LOC128092252: variants seen among roughly 807,000 people sequenced by gnomAD.
chr15:50,650,603 G>T, the LOC128092252 span, among the ~76,000 whole-genome samples: 2 of 152,046 alleles, frequency 1.3e-5, no homozygotes, highest in African/African-American at 2.4e-5. Context: ...GCTGAGGCAG[G>T]AGAATCGCTT....
At chr15:50,665,125 C>G in the LOC128092252 span, among the ~76,000 whole-genome samples, 1 of 152,112 alleles carries the variant, frequency 6.6e-6, no homozygotes, top group East Asian at 1.9e-4. Context: ...AATCATGGGT[C>G]AGGCCCAGTG....
chr15:50,680,065 C>A, the LOC128092252 span, among the ~76,000 whole-genome samples: 1 of 151,876 alleles, frequency 6.6e-6, no homozygotes, highest in Admixed American at 6.6e-5. Flanking sequence ...GAAACCCTGT[C>A]TCTGCTAAAA....
the LOC128092252 span, among the ~76,000 whole-genome samples, chr15:50,658,775 G>C: frequency 1.3e-5 from 2 of 152,148 alleles, no homozygotes; most frequent in African/African-American, 4.8e-5. Flanking sequence ...AATGAAAATT[G>C]TACAAGGTCG....
At chr15:50,676,123 T>C in the LOC128092252 span, among the ~76,000 whole-genome samples, 2 of 152,150 alleles carry the variant, frequency 1.3e-5, no homozygotes, top group Non-Finnish European at 1.5e-5. Flanking sequence ...AATTATAAAT[T>C]CTTACACCAG....
chr15:50,683,233 TA>T, the LOC128092252 span, among the ~76,000 whole-genome samples: 79,346 of 147,846 alleles, frequency 0.54, 21,164 homozygotes, highest in Admixed American at 0.61. Context: ...GGCAGTCACT[TA>T]AAAAAAAAAA....
the LOC128092252 span, among the ~76,000 whole-genome samples, chr15:50,653,009 G>A: frequency 0.024 from 3,596 of 152,108 alleles, 65 homozygotes; most frequent in Non-Finnish European, 0.031. Context: ...AAATTAGCCA[G>A]GCATGGTGGC....
At chr15:50,685,979 T>G in the LOC128092252 span, among the ~76,000 whole-genome samples, 2 of 152,188 alleles carry the variant, frequency 1.3e-5, no homozygotes, top group African/African-American at 4.8e-5. Flanking sequence ...CCCTCCCTTT[T>G]GGTTCCAAAA....
the LOC128092252 span, among the ~76,000 whole-genome samples, chr15:50,676,977 T>C: frequency 6.6e-6 from 1 of 152,102 alleles, no homozygotes; most frequent in Admixed American, 6.5e-5. Context: ...CTGCTGCCCA[T>C]TGTAGGAGAG....
chr15:50,669,472 G>T, the LOC128092252 span, among the ~76,000 whole-genome samples: 1 of 152,058 alleles, frequency 6.6e-6, no homozygotes, highest in African/African-American at 2.4e-5. Context: ...GCTGGGCTCG[G>T]TTTTAAAAGT....
the LOC128092252 span, chr15:50,663,092 A>T: frequency 1.4e-6 from 2 of 1,410,908 alleles, no homozygotes; most frequent in East Asian, 4.6e-5. Flanking sequence ...TAACCCACTA[A>T]ATAAGAAGGA....
At chr15:50,657,248 C>G in the LOC128092252 span, among the ~76,000 whole-genome samples, 1 of 152,144 alleles carries the variant, frequency 6.6e-6, no homozygotes, top group Non-Finnish European at 1.5e-5. Flanking sequence ...TGCTTGAACC[C>G]ATGAGACAGA....
At chr15:50,667,090 C>T in the LOC128092252 span, among the ~76,000 whole-genome samples, 1 of 151,994 alleles carries the variant, frequency 6.6e-6, no homozygotes, top group Non-Finnish European at 1.5e-5. Flanking sequence ...TGAGGAGACC[C>T]CCAACCCAAA....
the LOC128092252 span, among the ~76,000 whole-genome samples, chr15:50,686,010 A>C: frequency 6.6e-6 from 1 of 152,250 alleles, no homozygotes; most frequent in Admixed American, 6.5e-5. Context: ...CCTGTAGAGT[A>C]TCCGCTGCAC....
chr15:50,663,486 G>A, the LOC128092252 span, among the ~76,000 whole-genome samples: 3 of 152,110 alleles, frequency 2.0e-5, no homozygotes, highest in African/African-American at 7.2e-5. Flanking sequence ...CATAATCTGA[G>A]GATGGCACCC....
chr15:50,667,246 T>G, the LOC128092252 span, among the ~76,000 whole-genome samples: 1 of 152,170 alleles, frequency 6.6e-6, no homozygotes, highest in Non-Finnish European at 1.5e-5. Context: ...CCCTAGAAAC[T>G]GAACGCTTTC....
chr15:50,685,935 A>G, the LOC128092252 span, among the ~76,000 whole-genome samples: 1 of 152,166 alleles, frequency 6.6e-6, no homozygotes, highest in Non-Finnish European at 1.5e-5. Context: ...AATTCTTGCT[A>G]AAGAAAAAAG....
the LOC128092252 span, among the ~76,000 whole-genome samples, chr15:50,682,723 A>C: frequency 6.6e-6 from 1 of 152,166 alleles, no homozygotes; most frequent in Non-Finnish European, 1.5e-5. Context: ...CTCCAAGTCA[A>C]ACACTGTATT....
chr15:50,667,137 G>A, the LOC128092252 span, among the ~76,000 whole-genome samples: 1 of 152,014 alleles, frequency 6.6e-6, no homozygotes, highest in Non-Finnish European at 1.5e-5. Context: ...CGACTCTGGG[G>A]GTGTCTAATG....
chr15:50,654,875 C>G, the LOC128092252 span, among the ~76,000 whole-genome samples: 1 of 149,764 alleles, frequency 6.7e-6, no homozygotes, highest in African/African-American at 2.4e-5. Context: ...GCAGCAGGCA[C>G]CTGTAGTCCC....
Sources: allele counts gnomAD v4.1 joint callset (sites outside exome capture counted in the v4.1 genomes callset), GRCh38; gene constraint gnomAD v4.1.1; transcripts MANE v1.5.